The following AP1S3 variants were observed in gnomAD, a reference collection of about 807,000 sequenced individuals.
AP1S3 encodes adaptor related protein complex 1 subunit sigma 3.
AP1S3 carries 10 observed loss-of-function variants against 20.9 expected under a neutral mutation model. The ratio of observed to expected loss-of-function variants is 0.48; its 90% confidence interval spans 0.29 to 0.81. AP1S3 has a LOEUF of 0.81. Ranked by LOEUF, AP1S3 falls within the 30% of genes least tolerant of loss-of-function variation. The pLI is 0.08. For synonymous variants in AP1S3, 41 were observed against 61.5 expected (o/e 0.67, Z 1.56); for missense variants, 154 against 183.8 (o/e 0.84, Z 0.94).
In AP1S3 at chr2:223,775,955, C is replaced by G. The variant is rs1271675732; in HGVS notation, c.237G>C (p.Leu79Phe). Residue 79 changes from leucine (L) to phenylalanine (F), a missense_variant, in exon 3 of 5, where the codon TTG becomes TTC. Transcript: ENST00000396654. ...CAIENQDNELLTLEIVHRYVE... is the reference protein window; with the variant it reads ...CAIENQDNELFTLEIVHRYVE... ...CGTAACGATGCACAATCTCTAGCGT[C>G]AAGAGCTCATTGTCCTGATTTTCTA... The G allele has an allele frequency of 1.2e-6, 2 of 1,614,028 alleles. No individual in the cohort carries two copies. Among genetic ancestry groups the G allele is most frequent in the Non-Finnish European group, 1.7e-6 (2 of 1,180,004 alleles).
At chr2:223,816,703 G>A (rs1385175477) in intron 1 of AP1S3, among the ~76,000 whole-genome samples, 1 of 152,200 alleles carries the variant, frequency 6.6e-6, no homozygotes, top group African/African-American at 2.4e-5. Context: ...TATGTGCAGT[G>A]TCAGTGGGAC....
chr2:223,819,069 CT>C (rs1447984945), intron 1 of AP1S3, among the ~76,000 whole-genome samples: 1 of 152,142 alleles, frequency 6.6e-6, no homozygotes, highest in Non-Finnish European at 1.5e-5. Context: ...TTTTTCTACA[CT>C]TATAATGTGA....
chr2:223,813,318 G>C (rs187373279), intron 1 of AP1S3, among the ~76,000 whole-genome samples: 1 of 152,008 alleles, frequency 6.6e-6, no homozygotes, highest in Admixed American at 6.6e-5. Context: ...TGAAATTTAC[G>C]CCTGGAGATG....
intron 1 of AP1S3, among the ~76,000 whole-genome samples, chr2:223,835,928 T>C (rs1016611147): frequency 6.6e-6 from 1 of 152,198 alleles, no homozygotes. Context: ...TGGGCATCTG[T>C]CACCTTGTTC....
At chr2:223,804,756 C>T (rs1164782450) in intron 1 of AP1S3, among the ~76,000 whole-genome samples, 1 of 151,296 alleles carries the variant, frequency 6.6e-6, no homozygotes, top group Non-Finnish European at 1.5e-5. Flanking sequence ...TTACTAGAAT[C>T]TTCTAGATCA....
chr2:223,820,700 TGGACTGCCCTCCA>T (rs1456283914), intron 1 of AP1S3, among the ~76,000 whole-genome samples: 3 of 150,572 alleles, frequency 2.0e-5, no homozygotes, highest in African/African-American at 7.3e-5. Flanking sequence ...CAGACCTTCC[TGGACTGCCCTCCA>T]GACAAATGAT....
At chr2:223,815,598 A>G (rs1691825664) in intron 1 of AP1S3, among the ~76,000 whole-genome samples, 1 of 152,238 alleles carries the variant, frequency 6.6e-6, no homozygotes, top group African/African-American at 2.4e-5. Context: ...TAAGGTAATC[A>G]GTCTTAGTTT....
At chr2:223,828,290 T>TCC (rs201363176) in intron 1 of AP1S3, among the ~76,000 whole-genome samples, 4 of 134,406 alleles carry the variant, frequency 3.0e-5, no homozygotes, top group African/African-American at 1.1e-4. Flanking sequence ...CATTCTCCTC[T>TCC]CTCTCTTTTT....
intron 1 of AP1S3, among the ~76,000 whole-genome samples, chr2:223,801,570 G>T (rs758477769): frequency 6.6e-6 from 1 of 152,158 alleles, no homozygotes; most frequent in South Asian, 2.1e-4. Context: ...TCAGCCTCCC[G>T]TGTAGCTGGG....
intron 1 of AP1S3, among the ~76,000 whole-genome samples, chr2:223,790,003 T>C (rs1160080536): frequency 6.6e-6 from 1 of 152,074 alleles, no homozygotes; most frequent in Non-Finnish European, 1.5e-5. Flanking sequence ...CCATCAAGTG[T>C]GCAGCACAAT....
At chr2:223,791,312 G>A (rs553939642) in intron 1 of AP1S3, among the ~76,000 whole-genome samples, 5 of 152,232 alleles carry the variant, frequency 3.3e-5, no homozygotes, top group Non-Finnish European at 5.9e-5. Context: ...AAATCCAGCA[G>A]CACATCAAAA....
chr2:223,757,139 G>A lies in AP1S3; in HGVS notation c.*1576C>T. ...TGAGTAGCTGGGATTACAGGCACCT[G>A]CCACCATGCCCGGCTAATTTTTTTG... On this transcript the variant is annotated 3_prime_UTR_variant, in exon 5 of 5. Transcript: ENST00000396654. 1 of 341,798 alleles carries A rather than the reference G, an allele frequency of 2.9e-6. No individual in the cohort carries two copies. The highest frequency in any genetic ancestry group is 4.1e-6 in the Non-Finnish European group (1 of 241,066). 21.2% of individuals were successfully genotyped at this position (341,798 alleles called of 1,614,324 possible).
chr2:223,833,882 T>TTTATTTA (rs1692334934), intron 1 of AP1S3, among the ~76,000 whole-genome samples: 5 of 146,032 alleles, frequency 3.4e-5, no homozygotes, highest in African/African-American at 1.0e-4. Context: ...TTTACACTCT[T>TTTATTTA]TTTATTTATT....
intron 1 of AP1S3, among the ~76,000 whole-genome samples, chr2:223,819,598 T>TA (rs61543706): frequency 0.15 from 21,512 of 146,190 alleles, 2,025 homozygotes; most frequent in East Asian, 0.41. Context: ...ATGCCTTGTG[T>TA]AAAAAAAAAA....
Position 223,757,955 on chromosome 2 carries a change from T to C in AP1S3, c.*760A>G. Reference sequence around the variant, plus strand: ...TACTATTTTAGAATAATAAAGGAAGTCATAGATGCTGTATCTCTAGGTCTC... The same window carrying C: ...TACTATTTTAGAATAATAAAGGAAGCCATAGATGCTGTATCTCTAGGTCTC... On this transcript the variant is annotated 3_prime_UTR_variant, in exon 5 of 5. Transcript: ENST00000396654. 1 of 964,698 alleles carries C rather than the reference T, an allele frequency of 1.0e-6. No homozygotes were observed. Among genetic ancestry groups the C allele is most frequent in the Non-Finnish European group, 1.2e-6 (1 of 811,074 alleles). The allele number at this position is 964,698 out of a possible 1,614,324, so 59.8% of individuals were successfully genotyped here.
At chr2:223,806,277 A>ATTTTTTTTTTTTTTTTTTTTTTTTT (rs144953846) in intron 1 of AP1S3, among the ~76,000 whole-genome samples, 1 of 111,058 alleles carries the variant, frequency 9.0e-6, no homozygotes, top group Non-Finnish European at 1.7e-5. Flanking sequence ...AAACAAAGGA[A>ATTTTTTTTTTTTTTTTTTTTTTTTT]TTTTTTTTTT....
At chr2:223,775,337 A>G (rs959961468) in intron 3 of AP1S3, among the ~76,000 whole-genome samples, 1 of 152,216 alleles carries the variant, frequency 6.6e-6, no homozygotes, top group African/African-American at 2.4e-5. Context: ...GTTTGTTGCT[A>G]TTTTTCTTAT....
chr2:223,809,388 T>C (rs1691663800), intron 1 of AP1S3, among the ~76,000 whole-genome samples: 1 of 152,154 alleles, frequency 6.6e-6, no homozygotes, highest in African/African-American at 2.4e-5. Flanking sequence ...CTCACACCTA[T>C]AATCCCAGCA....
At chr2:223,767,302 T>C (rs1385491041) in intron 3 of AP1S3, among the ~76,000 whole-genome samples, 1 of 152,210 alleles carries the variant, frequency 6.6e-6, no homozygotes, top group Non-Finnish European at 1.5e-5. Context: ...TCTTCTCCCT[T>C]GCTCCCCTGA....
Sources: gnomAD v4.1 joint callset for allele counts (sites outside exome capture counted in the v4.1 genomes callset) on GRCh38, gnomAD v4.1.1 for gene constraint, MANE v1.5 for transcripts, NCBI Gene and HGNC (gene_info 2026-07-23, HGNC 2026-07-21) for gene names.